Variants in LMO7 observed in about 807,000 individuals in gnomAD.
The protein encoded by LMO7 is LIM domain only protein 7.
LMO7 carries 120 observed loss-of-function variants against 206.5 expected under a neutral mutation model. That is an observed-to-expected ratio of 0.58 (90% CI 0.50 to 0.68). The LOEUF is 0.68. Ranked by LOEUF, LMO7 falls within the 30% of genes least tolerant of loss-of-function variation. The pLI, the probability that LMO7 is intolerant of heterozygous loss-of-function variation, is 0.00. For synonymous variants in LMO7, 706 were observed against 681.5 expected (o/e 1.04, Z -0.56); for missense variants, 1,959 against 1,957.9 (o/e 1.00, Z -0.01).
chr13:75,729,456 G>T (rs1226708830), intron 3 of LMO7, among the ~76,000 whole-genome samples: 1 of 150,700 alleles, frequency 6.6e-6, no homozygotes, highest in East Asian at 2.0e-4. Flanking sequence ...AAGAATGCTT[G>T]TGATTTTTGC....
In LMO7 at chr13:75,649,412, G is replaced by T. The variant is rs529719962; in HGVS notation, c.69+12686G>T. 2.0e-5 allele frequency among the ~76,000 whole-genome samples: 3 copies of T among 152,284 alleles called. No homozygotes were observed. In the South Asian group the frequency reaches 6.2e-4, roughly 32 times the overall value. On this transcript the variant is annotated intron_variant, in intron 1 of 30. Coordinates refer to ENST00000377534, the MANE Select transcript of LMO7 (RefSeq NM_001306080.2). ...ATCTTAAGGGAAGCACTGATTTTAT[G>T]AAAGATAAGTAGAGAGAGTAGGATT...
intron 1 of LMO7, among the ~76,000 whole-genome samples, chr13:75,704,991 A>T (rs1194723421): frequency 6.6e-6 from 1 of 152,246 alleles, no homozygotes; most frequent in Non-Finnish European, 1.5e-5. Flanking sequence ...CTTCTACAGA[A>T]CCTGTTTTTT....
chr13:75,795,330 T>C (rs1454220239), intron 4 of LMO7, 71 bp from the exon 5 acceptor site: 1 of 1,065,222 alleles, frequency 9.4e-7, no homozygotes, highest in African/African-American at 1.6e-5. Context: ...TAAAAATGAG[T>C]TTTTTTCTAG....
chr13:75,833,400 A>AT (rs1196465237), intron 16 of LMO7, among the ~76,000 whole-genome samples: 4 of 152,094 alleles, frequency 2.6e-5, no homozygotes, highest in Admixed American at 2.0e-4. Context: ...TAATTTTGTG[A>AT]TTTTACAGAT....
rs376282998 is a variant in LMO7 at position 75,761,496 on chromosome 13, C to T, written c.317+458C>T. Among the ~76,000 whole-genome samples the T allele has an allele frequency of 7.7e-4, 117 of 152,182 alleles. 1 individual carries two copies. Among genetic ancestry groups the T allele is most frequent in the Non-Finnish European group, 1.3e-3 (90 of 67,992 alleles). On this transcript the variant is annotated intron_variant, in intron 4 of 30. Transcript: ENST00000377534. Reference sequence around the variant, plus strand: ...TCTCTTAATATTGTGAAGGCAGCAGCGCCTGGGACCAACATGTAATGCCAA... The same window carrying T: ...TCTCTTAATATTGTGAAGGCAGCAGTGCCTGGGACCAACATGTAATGCCAA...
At chr13:75,817,423 A>G (rs1251029983) in intron 12 of LMO7, 145 bp downstream of exon 12, 3 of 525,692 alleles carry the variant, frequency 5.7e-6, no homozygotes, top group African/African-American at 3.9e-5. Context: ...CTTTACAAAG[A>G]TTTTTAAACC....
At chr13:75,739,534 A>G (rs971338960) in intron 3 of LMO7, among the ~76,000 whole-genome samples, 6 of 152,184 alleles carry the variant, frequency 3.9e-5, no homozygotes, top group Middle Eastern at 3.2e-3. Flanking sequence ...AATAAAAGGC[A>G]AGTCTATGCA....
At chr13:75,727,829 T>C (rs1002289121) in intron 3 of LMO7, among the ~76,000 whole-genome samples, 1 of 142,020 alleles carries the variant, frequency 7.0e-6, no homozygotes, top group African/African-American at 2.6e-5. Flanking sequence ...CCTGTGTCCA[T>C]GTGTTCTCAT....
At chr13:75,847,595 G>C (rs567249018) in intron 26 of LMO7, among the ~76,000 whole-genome samples, 12 of 152,196 alleles carry the variant, frequency 7.9e-5, no homozygotes, top group African/African-American at 2.7e-4. Flanking sequence ...TCCCCAGGGA[G>C]AGTATATATT....
chr13:75,808,237 G>A, intron 10 of LMO7, 38 bp downstream of exon 10: 1 of 1,557,248 alleles, frequency 6.4e-7, no homozygotes, highest in Non-Finnish European at 8.7e-7. Flanking sequence ...GCTTGTAATG[G>A]ATGGTCTTGT....
intron 15 of LMO7, among the ~76,000 whole-genome samples, chr13:75,831,766 C>T (rs2058688728): frequency 6.6e-6 from 1 of 152,130 alleles, no homozygotes; most frequent in Admixed American, 6.6e-5. Context: ...TTAATCCCTT[C>T]ATGAGGGCAG....
At chr13:75,636,146 G>C (rs1360174398), upstream of LMO7, 1 of 262,336 alleles carries the variant, frequency 3.8e-6, no homozygotes, top group Non-Finnish European at 5.9e-6. Context: ...GCGGCCCCTG[G>C]CGGACTGTGG....
chr13:75,774,159 G>GT (rs1165050826), intron 4 of LMO7, among the ~76,000 whole-genome samples: 2 of 152,048 alleles, frequency 1.3e-5, no homozygotes, highest in African/African-American at 4.8e-5. Flanking sequence ...GTAATGAACA[G>GT]TTGAGTAACC....
Position 75,821,541 on chromosome 13 carries a change from T to A in LMO7, c.2572T>A (p.Ser858Thr). The A allele has an allele frequency of 6.2e-7, 1 of 1,614,062 alleles. No homozygotes were observed. Among genetic ancestry groups the A allele is most frequent in the South Asian group, 1.1e-5 (1 of 91,074 alleles). Residue 858 changes from serine to threonine, a missense_variant, in exon 14 of 31, where the codon TCT becomes ACT. Ser to Thr is a moderately conservative substitution (Grantham distance 58). Transcript: ENST00000377534. ...GAAAACTGATACAGTCAGGTTAACA[T>A]CTGTGGTCACACCAAGACCCTTTGG... Reference protein sequence around the residue: ...YRKTDTVRLTSVVTPRPFGSQ... With the variant: ...YRKTDTVRLTTVVTPRPFGSQ...
intron 18 of LMO7, 98 bp downstream of exon 18, chr13:75,835,437 A>G: frequency 1.5e-6 from 1 of 687,278 alleles, no homozygotes; most frequent in Non-Finnish European, 2.3e-6. Flanking sequence ...TACAATTTTG[A>G]TGCTAACTTT....
chr13:75,715,120 A>T (rs1052709829), intron 2 of LMO7, among the ~76,000 whole-genome samples: 2 of 152,250 alleles, frequency 1.3e-5, no homozygotes, highest in African/African-American at 2.4e-5. Context: ...CATTGACCCC[A>T]TAAATAGATC....
chr13:75,855,873 C>G (rs950117796), intron 29 of LMO7, among the ~76,000 whole-genome samples: 6 of 152,346 alleles, frequency 3.9e-5, no homozygotes, highest in African/African-American at 1.4e-4. Context: ...TTTGTAATCT[C>G]TGTCTCTAAA....
At chr13:75,794,575 G>T (rs1227917600) in intron 4 of LMO7, among the ~76,000 whole-genome samples, 3 of 152,120 alleles carry the variant, frequency 2.0e-5, no homozygotes, top group African/African-American at 7.2e-5. Flanking sequence ...CTGTTAGACT[G>T]GACAGGCCAA....
At chr13:75,772,985 T>A (rs1357206412) in intron 4 of LMO7, among the ~76,000 whole-genome samples, 5 of 151,918 alleles carry the variant, frequency 3.3e-5, no homozygotes, top group Non-Finnish European at 7.4e-5. Context: ...AGGGTTTAGA[T>A]AATAAAAAAA....
Sources: allele counts gnomAD v4.1 joint callset (sites outside exome capture counted in the v4.1 genomes callset), GRCh38; gene constraint gnomAD v4.1.1; transcripts MANE v1.5; gene names NCBI Gene and HGNC (gene_info 2026-07-23, HGNC 2026-07-21).